CTH: variants seen among roughly 807,000 people sequenced by gnomAD.
The protein encoded by CTH is cystathionine gamma-lyase.
A neutral mutation model predicts 50.6 loss-of-function variants in CTH; 41 were observed. The ratio of observed to expected loss-of-function variants is 0.81; its 90% CI spans 0.63 to 1.05. The LOEUF is 1.05. Ranked by LOEUF, CTH falls within the 50% of genes least tolerant of loss-of-function variation. CTH has a pLI of 0.00. For synonymous variants in CTH, 156 were observed against 168.9 expected (o/e 0.92, Z 0.59); for missense variants, 470 against 492.6 (o/e 0.95, Z 0.43).
chr1:70,438,188 A>G (rs1684636831), intron 10 of CTH, among the ~76,000 whole-genome samples: 1 of 152,168 alleles, frequency 6.6e-6, no homozygotes, highest in Non-Finnish European at 1.5e-5. Flanking sequence ...CTGAATGCTT[A>G]CTGGTTGCTA....
intron 1 of CTH, among the ~76,000 whole-genome samples, chr1:70,415,334 T>C (rs948440899): frequency 2.0e-4 from 31 of 151,984 alleles, no homozygotes; most frequent in African/African-American, 7.5e-4. Flanking sequence ...AGCCCAGGAG[T>C]TTGAGGCTGC....
Position 70,439,433 on chromosome 1 carries a change from T to G in CTH, c.*306T>G. On this transcript the variant is annotated 3_prime_UTR_variant, in exon 12 of 12. Transcript: ENST00000370938. ...TCTTTTTTCATGTCTAAGATTTATT[T>G]TGATCATGTTTATAATATAATGGTA... 2.8e-6 allele frequency: 1 copy of G among 356,118 alleles called. No homozygotes were observed. The highest frequency in any genetic ancestry group is 5.3e-5 in the East Asian group (1 of 18,856). The allele number at this position is 356,118 out of a possible 1,614,324, so 22.1% of individuals were successfully genotyped here.
intron 10 of CTH, among the ~76,000 whole-genome samples, chr1:70,438,071 C>T (rs1419310054): frequency 6.6e-6 from 1 of 152,124 alleles, no homozygotes; most frequent in Non-Finnish European, 1.5e-5. Flanking sequence ...CAGTGCTTGA[C>T]ATATTATGGG....
Position 70,438,795 on chromosome 1 carries a change from T to C in CTH, c.1160T>C (p.Leu387Pro). 1 of 1,613,558 alleles carries C rather than the reference T, an allele frequency of 6.2e-7. No homozygotes were observed. Residue 387 changes from leucine to proline, a missense_variant, in exon 11 of 12, where the codon CTG (leucine) becomes CCG (proline). Coordinates refer to ENST00000370938, the MANE Select transcript of CTH (RefSeq NM_001902.6). ...GGCTTAGAGGATGAGGAAGACCTACTGGAAGATCTAGATCAAGCTTTGAAG... is the reference window on the plus strand; with the variant it reads ...GGCTTAGAGGATGAGGAAGACCTACCGGAAGATCTAGATCAAGCTTTGAAG... ...SVGLEDEEDL[L>P]EDLDQALKAA...
chr1:70,433,960 A>G lies in CTH; in HGVS notation c.999+11A>G, dbSNP rs369536259. On this transcript the variant is annotated intron_variant, in intron 9 of 11. Coordinates refer to ENST00000370938, the MANE Select transcript of CTH (RefSeq NM_001902.6). ...CTCAAGAACCTAAAGGTAAACTTAC[A>G]AAATAGGTTTAAAATTGTAGGAGGT... is the stretch of plus-strand genomic sequence containing the variant. 1.4e-5 allele frequency: 23 copies of G among 1,613,752 alleles called. No individual in the cohort carries two copies. In the African/African-American group the frequency reaches 2.8e-4, roughly 20 times the overall value.
In CTH at chr1:70,429,817, T is replaced by C. The variant is rs1684424750; in HGVS notation, c.612T>C (p.Asp204=). ...AGCGCCCTTTGGCTCTGGGAGCTGA[T>C]ATTTCTATGTATTCTGCAACAAAAT... The part of the protein sequence containing the change: ...YFQRPLALGA[D]ISMYSATKYM... Residue 204 remains aspartate (D), a synonymous_variant, in exon 6 of 12, where the codon GAT becomes GAC. Coordinates refer to ENST00000370938, the MANE Select transcript of CTH (RefSeq NM_001902.6). 1.2e-6 allele frequency: 2 copies of C among 1,613,296 alleles called. No homozygotes were observed. The highest frequency in any genetic ancestry group is 3.3e-5 in the Admixed American group (2 of 60,028).
In CTH at chr1:70,439,226, G is replaced by T; in HGVS notation, c.*99G>T. On this transcript the variant is annotated 3_prime_UTR_variant, in exon 12 of 12. Coordinates refer to ENST00000370938, the MANE Select transcript of CTH (RefSeq NM_001902.6). ...TGAGCCTTTGCAAAATTTTCAAGCG[G>T]AAATTTTAAGGCACCTCATTATCTT... The T allele has an allele frequency of 9.2e-7, 1 of 1,082,716 alleles. No homozygotes were observed. Among genetic ancestry groups the T allele is most frequent in the Non-Finnish European group, 1.4e-6 (1 of 698,552 alleles). 67.1% of individuals were successfully genotyped at this position (1,082,716 alleles called of 1,614,324 possible). A position where few individuals can be genotyped will look rare whatever the true frequency, so the allele number is the denominator to read the frequency against.
At chr1:70,412,346 C>T (rs1318765715) in intron 1 of CTH, among the ~76,000 whole-genome samples, 1 of 152,244 alleles carries the variant, frequency 6.6e-6, no homozygotes, top group East Asian at 1.9e-4. Context: ...TGGCTTACGC[C>T]TGTAATCCCA....
rs1374657829 is a variant in CTH at position 70,429,866 on chromosome 1, T to G, written c.646+15T>G. The G allele has an allele frequency of 6.3e-7, 1 of 1,587,430 alleles. No homozygotes were observed. Among genetic ancestry groups the G allele is most frequent in the Non-Finnish European group, 8.7e-7 (1 of 1,155,892 alleles). ...ATACATGAATGGTAAGATGCATACT[T>G]TGAATGTTCTTTTTCATGGATAGGT... On this transcript the variant is annotated intron_variant, in intron 6 of 11. Coordinates refer to ENST00000370938, the MANE Select transcript of CTH (RefSeq NM_001902.6).
intron 8 of CTH, among the ~76,000 whole-genome samples, 163 bp downstream of exon 8, chr1:70,432,398 G>A (rs1402239356): frequency 6.6e-6 from 1 of 152,162 alleles, no homozygotes; most frequent in African/African-American, 2.4e-5. Flanking sequence ...TGGGTCAGGT[G>A]GAAAGAAGAT....
At chr1:70,413,529 G>T (rs1210478491) in intron 1 of CTH, among the ~76,000 whole-genome samples, 2 of 151,486 alleles carry the variant, frequency 1.3e-5, no homozygotes, top group African/African-American at 4.9e-5. Flanking sequence ...CTCCCAAAGT[G>T]CTGGGATTAC....
intron 1 of CTH, among the ~76,000 whole-genome samples, chr1:70,415,034 T>C (rs681475): frequency 0.64 from 97,532 of 151,974 alleles, 31,547 homozygotes; most frequent in Middle Eastern, 0.76. Flanking sequence ...TTGAGCCACT[T>C]TTGTAGAGCC....
At chr1:70,428,978 C>T (rs757872571) in intron 5 of CTH, among the ~76,000 whole-genome samples, 40 of 152,090 alleles carry the variant, frequency 2.6e-4, no homozygotes, top group African/African-American at 8.4e-4. Context: ...TGAAGTGCAG[C>T]GGCTTGATCA....
chr1:70,429,729 TAGGC>T (rs1442103609), intron 5 of CTH, 61 bp from the exon 6 acceptor site: 38 of 1,097,896 alleles, frequency 3.5e-5, no homozygotes, highest in Non-Finnish European at 4.9e-5. Context: ...TAATTGCAAA[TAGGC>T]AGGTAATGAA....
intron 3 of CTH, among the ~76,000 whole-genome samples, chr1:70,421,045 A>G (rs530959051): frequency 2.0e-5 from 3 of 152,294 alleles, no homozygotes; most frequent in East Asian, 3.9e-4. Flanking sequence ...CAAATGATTT[A>G]CCTTGTTTCA....
At chr1:70,431,997 G>A (rs1684484835) in intron 7 of CTH, 86 bp from the exon 8 acceptor site, 10 of 1,384,084 alleles carry the variant, frequency 7.2e-6, no homozygotes, top group Non-Finnish European at 9.2e-6. Context: ...TAGCTTCTGA[G>A]AGTCACTGTA....
At chr1:70,433,644 GA>G (rs1239389298) in intron 8 of CTH, among the ~76,000 whole-genome samples, 183 bp from the exon 9 acceptor site, 1 of 152,130 alleles carries the variant, frequency 6.6e-6, no homozygotes, top group East Asian at 1.9e-4. Context: ...GAAGAGGGTA[GA>G]AAAGATGAGG....
chr1:70,438,598 A>T lies in CTH; in HGVS notation c.1053-90A>T, dbSNP rs1454543181. On this transcript the variant is annotated intron_variant, in intron 10 of 11. Coordinates refer to ENST00000370938, the MANE Select transcript of CTH (RefSeq NM_001902.6). ...CAAAATTTGATATTTGGACCAGAAA[A>T]ATGTTGAGGGTAATTGCAGTTTATG... 4.8e-6 allele frequency: 7 copies of T among 1,455,010 alleles called. No individual in the cohort carries two copies. In the African/African-American group the frequency reaches 8.4e-5, roughly 17 times the overall value. 90.1% of individuals were successfully genotyped at this position (1,455,010 alleles called of 1,614,324 possible). A position where few individuals can be genotyped will look rare whatever the true frequency, so the allele number is the denominator to read the frequency against.
Position 70,433,894 on chromosome 1 carries a change from C to G in CTH, c.944C>G (p.Thr315Ser), listed in dbSNP as rs377285044. 1 of 1,613,906 alleles carries G rather than the reference C, an allele frequency of 6.2e-7. No homozygotes were observed. The highest frequency in any genetic ancestry group is 8.5e-7 in the Non-Finnish European group (1 of 1,179,972). Residue 315 changes from threonine to serine, a missense_variant, in exon 9 of 12, where the codon ACC becomes AGC. Physicochemically the swap from Thr to Ser is moderately conservative, Grantham distance 58 (BLOSUM62 1). Coordinates refer to ENST00000370938, the MANE Select transcript of CTH (RefSeq NM_001902.6). ...RQCTGCTGMV[T>S]FYIKGTLQHA... is the part of the protein sequence containing the mutation. ...TGTACAGGTTGTACAGGGATGGTCA[C>G]CTTTTATATTAAGGGCACTCTTCAG...
Sources: allele counts gnomAD v4.1 joint callset (sites outside exome capture counted in the v4.1 genomes callset), GRCh38; gene constraint gnomAD v4.1.1; transcripts MANE v1.5; gene names NCBI Gene and HGNC (gene_info 2026-07-23, HGNC 2026-07-21).